Variants in ACBD5 observed in about 807,000 individuals in gnomAD.
ACBD5 encodes the protein acyl-CoA-binding domain-containing protein 5.
A neutral mutation model predicts 71.8 loss-of-function variants in ACBD5; 40 were observed. That is an observed-to-expected ratio of 0.56 (90% CI 0.43 to 0.72). ACBD5 has a LOEUF of 0.72. Ranked by LOEUF, ACBD5 falls within the 30% of genes least tolerant of loss-of-function variation. The pLI is 0.00. For missense variants in ACBD5, 559 were observed against 644.5 expected (o/e 0.87, Z 1.44); for synonymous variants, 229 against 218.6 (o/e 1.05, Z -0.42).
chr10:27,228,342 G>A (rs927641944), intron 4 of ACBD5, among the ~76,000 whole-genome samples: 4 of 151,410 alleles, frequency 2.6e-5, no homozygotes, highest in Admixed American at 6.6e-5. Flanking sequence ...TTGGGAGGCC[G>A]AAGTGGGAAG....
chr10:27,228,809 A>ATTT (rs2063440561), intron 4 of ACBD5, among the ~76,000 whole-genome samples: 9 of 14,826 alleles, frequency 6.1e-4, no homozygotes, highest in African/African-American at 7.8e-4. Flanking sequence ...ATATATATAT[A>ATTT]TATATATTTT....
downstream of ACBD5, among the ~76,000 whole-genome samples, chr10:27,194,944 C>T (rs1017941928): frequency 2.6e-5 from 4 of 151,978 alleles, no homozygotes; most frequent in South Asian, 4.1e-4. Context: ...TGCAGTGAGC[C>T]GAGATCACGC....
At chr10:27,184,535 A>C (rs1488222633) in intron 13 of ACBD5, among the ~76,000 whole-genome samples, 4 of 148,830 alleles carry the variant, frequency 2.7e-5, no homozygotes, top group Non-Finnish European at 5.9e-5. Context: ...TATAAAAAAC[A>C]CTATCACATA....
In ACBD5 at chr10:27,196,095, G is replaced by C; in HGVS notation, c.*1335C>G. Reference sequence around the variant, plus strand: ...TGCATGCCTGTAATCCCAGCTACTTGGGAGTGAGGCAGGAGAATCACTTGA... The same window carrying C: ...TGCATGCCTGTAATCCCAGCTACTTCGGAGTGAGGCAGGAGAATCACTTGA... On this transcript the variant is annotated 3_prime_UTR_variant, in exon 13 of 13. Coordinates refer to ENST00000396271, the MANE Select transcript of ACBD5 (RefSeq NM_145698.5). 4.5e-6 allele frequency: 2 copies of C among 444,258 alleles called. No individual in the cohort carries two copies. Among genetic ancestry groups the C allele is most frequent in the Non-Finnish European group, 9.0e-6 (2 of 222,490 alleles). The allele number at this position is 444,258 out of a possible 1,614,324, so 27.5% of individuals were successfully genotyped here.
chr10:27,201,867 A>G (rs536745653), intron 12 of ACBD5, among the ~76,000 whole-genome samples: 6 of 152,316 alleles, frequency 3.9e-5, no homozygotes, highest in Admixed American at 3.9e-4. Context: ...ATGCATATTT[A>G]TTCAATAAAA....
In ACBD5 at chr10:27,210,957, A is replaced by G. The variant is rs761736998; in HGVS notation, c.1061T>C (p.Ile354Thr). 19 of 1,613,990 alleles carry G rather than the reference A, an allele frequency of 1.2e-5. No individual in the cohort carries two copies. Among genetic ancestry groups the G allele is most frequent in the African/African-American group, 5.3e-5 (4 of 74,894 alleles). ...DIQVPPGNGNIGNMQVVAVEG... is the reference protein window; with the variant it reads ...DIQVPPGNGNTGNMQVVAVEG... ...AACTGCAACCACCTGCATATTCCCA[A>G]TGTTGCCATTTCCAGGAGGTACTTG... is the stretch of plus-strand genomic sequence containing the variant. The change falls in exon 9 of 13, where the codon ATT (isoleucine) becomes ACT (threonine). Residue 354 changes from isoleucine to threonine, a missense_variant. By Grantham distance (89) the Ile-to-Thr change is moderately conservative. Coordinates refer to ENST00000396271, the MANE Select transcript of ACBD5 (RefSeq NM_145698.5).
At chr10:27,240,907 C>G, upstream of ACBD5, 4 of 662,678 alleles carry the variant, frequency 6.0e-6, no homozygotes, top group South Asian at 1.9e-5. This position sits in a 1 kb window ranked among gnomAD's most constrained non-coding sequence, Gnocchi z 4.1. Context: ...GACCCGCCGC[C>G]GCGGCAAGGA....
At chr10:27,230,141 T>C (rs1268619205) in intron 4 of ACBD5, among the ~76,000 whole-genome samples, 1 of 151,514 alleles carries the variant, frequency 6.6e-6, no homozygotes, top group East Asian at 1.9e-4. Context: ...CAAAAGGCTT[T>C]AGATTACCTT....
At chr10:27,199,051 G>A (rs1489676028) in intron 12 of ACBD5, among the ~76,000 whole-genome samples, 1 of 151,870 alleles carries the variant, frequency 6.6e-6, no homozygotes, top group Admixed American at 6.6e-5. Context: ...GGAGGTTGCA[G>A]TGAGCTGAGA....
chr10:27,185,981 C>T (rs980427096), intron 13 of ACBD5, among the ~76,000 whole-genome samples: 24 of 151,474 alleles, frequency 1.6e-4, no homozygotes, highest in African/African-American at 5.8e-4. Context: ...CCCAGCTACT[C>T]GGGAGGCTGA....
intron 3 of ACBD5, among the ~76,000 whole-genome samples, chr10:27,233,121 AAAAC>A (rs1164346339): frequency 3.3e-5 from 5 of 152,128 alleles, no homozygotes; most frequent in South Asian, 4.1e-4. Context: ...GTGTGGGGAA[AAAAC>A]AAACAAACAA....
At chr10:27,218,259 G>T in intron 6 of ACBD5, 76 bp from the exon 7 acceptor site, 1 of 1,183,578 alleles carries the variant, frequency 8.4e-7, no homozygotes, top group Non-Finnish European at 1.3e-6. Flanking sequence ...TTAATATCCA[G>T]CTGTTATTTC....
downstream of ACBD5, among the ~76,000 whole-genome samples, chr10:27,193,881 A>G (rs556595498): frequency 6.6e-6 from 1 of 152,326 alleles, no homozygotes; most frequent in Non-Finnish European, 1.5e-5. Flanking sequence ...TATTACATGA[A>G]GCAGAATAAT....
chr10:27,209,410 C>T (rs1394589315), intron 9 of ACBD5, among the ~76,000 whole-genome samples: 1 of 152,174 alleles, frequency 6.6e-6, no homozygotes, highest in African/African-American at 2.4e-5. Context: ...GCAACCTCCG[C>T]CTCCCAGGTT....
At chr10:27,197,663 TG>T (rs1362479267) in intron 12 of ACBD5, among the ~76,000 whole-genome samples, 2 of 152,184 alleles carry the variant, frequency 1.3e-5, no homozygotes, top group Admixed American at 6.6e-5. Flanking sequence ...ATTTATTTAC[TG>T]GGGCAAAGTC....
chr10:27,215,655 A>G lies in ACBD5; in HGVS notation c.830-14T>C. 1 of 1,562,844 alleles carries G rather than the reference A, an allele frequency of 6.4e-7. No homozygotes were observed. The highest frequency in any genetic ancestry group is 8.8e-7 in the Non-Finnish European group (1 of 1,135,138). ...CATCATTTATATCTAAATATGAACA[A>G]AAGTGCAGATAGGGTAATTATACTA... On this transcript the variant is annotated splice_polypyrimidine_tract_variant and intron_variant, in intron 7 of 12. Transcript: ENST00000396271.
At chr10:27,194,653 T>A (rs1160921471), downstream of ACBD5, among the ~76,000 whole-genome samples, 1 of 74,142 alleles carries the variant, frequency 1.3e-5, no homozygotes, top group African/African-American at 5.8e-5. Flanking sequence ...AATAATAAGA[T>A]GGTTGATTAG....
chr10:27,212,419 T>C (rs2061189162), intron 8 of ACBD5, among the ~76,000 whole-genome samples: 2 of 152,126 alleles, frequency 1.3e-5, no homozygotes, highest in Non-Finnish European at 2.9e-5. Context: ...TTTACTGAGA[T>C]TAATCTCTAT....
Position 27,184,491 on chromosome 10 carries a change from GTGTC to G in ACBD5, c.1494-1780_1494-1777del, listed in dbSNP as rs142781222. ...TAGTATTATTTCAGAATAGATGTGA[GTGTC>G]TGAATGCAACATATTGGTCAGATTG... On this transcript the variant is annotated intron_variant, in intron 13 of 13. Transcript: ENST00000676511. 5.5e-3 allele frequency among the ~76,000 whole-genome samples: 834 copies of G among 150,796 alleles called. 13 individuals are homozygous for G. Among genetic ancestry groups the G allele is most frequent in the African/African-American group, 0.019 (782 of 41,066 alleles).
Sources: allele counts gnomAD v4.1 joint callset (sites outside exome capture counted in the v4.1 genomes callset), GRCh38; gene constraint gnomAD v4.1.1; non-coding constraint Gnocchi (gnomAD v3.1); transcripts MANE v1.5; gene names NCBI Gene and HGNC (gene_info 2026-07-23, HGNC 2026-07-21).